The following TNIP2 variants were observed in gnomAD, a reference collection of about 807,000 sequenced individuals.
The protein encoded by TNIP2 is TNFAIP3-interacting protein 2.
In TNIP2, 30 loss-of-function variants were observed where a neutral mutation model predicts 43.7. The ratio of observed to expected loss-of-function variants is 0.69; its 90% CI spans 0.51 to 0.93. TNIP2 has a LOEUF of 0.93. TNIP2 is among the 40% of genes least tolerant of loss of function. The probability of loss-of-function intolerance (pLI) is 0.00; values close to 1 mark genes in which losing one functional copy is unlikely to be tolerated. For synonymous variants in TNIP2, 260 were observed against 254.6 expected, an observed-to-expected ratio of 1.02 and a Z score of -0.20; for missense variants, 599 against 591.0, an observed-to-expected ratio of 1.01 and a Z score of -0.14.
chr4:2,755,975 C>T (rs778484099), intron 1 of TNIP2, 39 bp downstream of exon 1: 105 of 1,509,884 alleles, frequency 7.0e-5, no homozygotes, highest in Middle Eastern at 4.8e-4. Context: ...GCCACACGCA[C>T]TCTCGCTCCC....
intron 2 of TNIP2, among the ~76,000 whole-genome samples, chr4:2,746,715 G>A (rs1193187140): frequency 6.6e-6 from 1 of 152,222 alleles, no homozygotes; most frequent in Non-Finnish European, 1.5e-5. Flanking sequence ...TGCCTAGAAA[G>A]GACCCGAGCG....
chr4:2,747,752 G>T lies in TNIP2; in HGVS notation c.470C>A (p.Thr157Lys). ...ACACATGTGGGCGGTGGCGGTCAGC[G>T]TCCTCCGCAGCTGATGGGTCTCGTT... ...LANETHQLRR[T>K]LTATAHMCQH... Residue 157 changes from threonine (T) to lysine (K), a missense_variant, in exon 2 of 6, where the codon ACG (threonine) becomes AAG (lysine). Transcript: ENST00000315423. 1 of 1,609,920 alleles carries T rather than the reference G, an allele frequency of 6.2e-7. No individual in the cohort carries two copies.
In TNIP2 at chr4:2,744,315, G is replaced by A. The variant is rs1044739199; in HGVS notation, c.1026+72C>T. The A allele has an allele frequency of 1.3e-6, 2 of 1,588,186 alleles. No individual in the cohort carries two copies. The highest frequency in any genetic ancestry group is 1.4e-5 in the African/African-American group (1 of 74,044). On this transcript the variant is annotated intron_variant, in intron 5 of 5. Transcript: ENST00000315423. The surrounding 1 kb of genome is among the most constrained non-coding windows in gnomAD (Gnocchi z 5.1). Reference sequence around the variant, plus strand: ...ATCAGGGCCTTGGCAGACACAGAAAGGCTCTAATCTCATGAGAAGAGAAAC... The same window carrying A: ...ATCAGGGCCTTGGCAGACACAGAAAAGCTCTAATCTCATGAGAAGAGAAAC...
rs758738129 is a variant in TNIP2, at chr4:2,742,264, C to A, written c.1283G>T (p.Cys428Phe). 6 of 1,481,312 alleles carry A rather than the reference C, an allele frequency of 4.1e-6. No homozygotes were observed. The highest frequency in any genetic ancestry group is 5.4e-6 in the Non-Finnish European group (6 of 1,111,488). The allele number at this position is 1,481,312 out of a possible 1,614,324, so 91.8% of individuals were successfully genotyped here. A position where few individuals can be genotyped will look rare whatever the true frequency, so the allele number is the denominator to read the frequency against. Reference protein sequence around the residue: ...EELLRHVAECCQ With the variant: ...EELLRHVAECFQ ...GGCACGGGTGAGTCTCGGTCACTGG[C>A]AGCACTCAGCCACATGCCTGAGGAG... The change falls in exon 6 of 6, where the codon TGC (cysteine) becomes TTC (phenylalanine). Residue 428 changes from cysteine to phenylalanine, a missense_variant. Transcript: ENST00000315423.
chr4:2,745,093 G>A, intron 3 of TNIP2, 148 bp from the exon 4 acceptor site: 2 of 1,053,600 alleles, frequency 1.9e-6, no homozygotes, highest in Non-Finnish European at 2.7e-6. Context: ...TCTGTAGAGA[G>A]CAGACACTAG....
Position 2,744,940 on chromosome 4 carries a change from T to C in TNIP2, c.663A>G (p.Glu221=). The C allele has an allele frequency of 6.2e-7, 1 of 1,603,128 alleles. No homozygotes were observed. Among genetic ancestry groups the C allele is most frequent in the Non-Finnish European group, 8.5e-7 (1 of 1,171,570 alleles). The change falls in exon 4 of 6, where the codon GAA becomes GAG. Residue 221 remains glutamate, a synonymous_variant. Coordinates refer to ENST00000315423, the MANE Select transcript of TNIP2 (RefSeq NM_024309.4). The surrounding 1 kb of genome is among the most constrained non-coding windows in gnomAD (Gnocchi z 5.1). The part of the protein sequence containing the change: ...RLLKQKVTHV[E]DLNAKWQRYN... The stretch of plus-strand genomic sequence containing the variant: ...AGCGCTGCCACTTGGCATTGAGGTC[T>C]TCAACCTGAAGAGGTGGAGCCGGAA...
Position 2,748,737 on chromosome 4 carries a change from G to A in TNIP2, c.277-792C>T, listed in dbSNP as rs556118357. Among the ~76,000 whole-genome samples, 12 of 136,164 alleles carry A rather than the reference G, an allele frequency of 8.8e-5. No homozygotes were observed. The South Asian group carries it at 2.2e-3, about 24-fold the overall frequency. The allele number at this position is 136,164 out of a possible 152,430, so 89.3% of individuals were successfully genotyped here. On this transcript the variant is annotated intron_variant, in intron 1 of 5. Coordinates refer to ENST00000315423, the MANE Select transcript of TNIP2 (RefSeq NM_024309.4). ...TCGAATTCCTGACCTTAGATGATCC[G>A]CCAGCCTTGGCCTCCCAAAGTACTG...
chr4:2,744,415 G>A lies in TNIP2; in HGVS notation c.998C>T (p.Ser333Phe), dbSNP rs1231903819. 1 of 1,614,114 alleles carries A rather than the reference G, an allele frequency of 6.2e-7. No individual in the cohort carries two copies. The highest frequency in any genetic ancestry group is 8.5e-7 in the Non-Finnish European group (1 of 1,180,048). Reference protein sequence around the residue: ...RIQELEEKVASLLHQVSWRQD... With the variant: ...RIQELEEKVAFLLHQVSWRQD... ...TCTCCAGGACACCTGGTGCAGCAAA[G>A]AGGCGACCTTTTCCTCCAGTTCTTG... The change falls in exon 5 of 6, where the codon TCT becomes TTT. Residue 333 changes from serine (S) to phenylalanine (F), a missense_variant. By Grantham distance (155) the Ser-to-Phe change is radical. Transcript: ENST00000315423. The surrounding 1 kb of genome is among the most constrained non-coding windows in gnomAD (Gnocchi z 5.1).
chr4:2,750,959 C>G (rs367838693), intron 1 of TNIP2, among the ~76,000 whole-genome samples: 2 of 152,202 alleles, frequency 1.3e-5, no homozygotes, highest in East Asian at 1.9e-4. Flanking sequence ...CAGCCCCACA[C>G]AGATGCCCAG....
rs180881919 is a variant in TNIP2 at position 2,754,695 on chromosome 4, A to G, written c.276+1319T>C. On this transcript the variant is annotated intron_variant, in intron 1 of 5. Transcript: ENST00000315423. ...CTCCCAAAGTGCTGGGATTACAGGC[A>G]TGAGCCACCGCGTCCGGACCCTTGT... Among the ~76,000 whole-genome samples the G allele has an allele frequency of 5.9e-3, 901 of 152,306 alleles. 7 individuals are homozygous for G. The highest frequency in any genetic ancestry group is 0.02 in the African/African-American group (849 of 41,564).
Position 2,756,014 on chromosome 4 carries a change from C to G in TNIP2, c.276G>C (p.Gln92His). Residue 92 changes from glutamine to histidine, a missense_variant and splice_region_variant, in exon 1 of 6, where the codon CAG becomes CAC. Coordinates refer to ENST00000315423, the MANE Select transcript of TNIP2 (RefSeq NM_024309.4). ...EGGAAEAQMR[Q>H]EIERLTERLE... ...GCTCCTCTGGTACCCGCCCTCGTAC[C>G]TGGCGCATCTGGGCCTCGGCGGCGC... The G allele has an allele frequency of 1.3e-6, 2 of 1,548,060 alleles. No homozygotes were observed. Among genetic ancestry groups the G allele is most frequent in the Non-Finnish European group, 1.7e-6 (2 of 1,158,670 alleles).
rs906316974 is a variant in TNIP2 at position 2,744,078 on chromosome 4, A to C, written c.1026+309T>G. On this transcript the variant is annotated intron_variant, in intron 5 of 5. Transcript: ENST00000315423. This position sits in a 1 kb window ranked among gnomAD's most constrained non-coding sequence, Gnocchi z 5.1. The stretch of plus-strand genomic sequence containing the variant: ...ACAGGTCAGGACACGTAGGGAGCTC[A>C]CACTTTGAGGCCCGAGATATGCTCT... Among the ~76,000 whole-genome samples, 1 of 152,190 alleles carries C rather than the reference A, an allele frequency of 6.6e-6. No homozygotes were observed. Among genetic ancestry groups the C allele is most frequent in the Non-Finnish European group, 1.5e-5 (1 of 68,014 alleles).
chr4:2,752,942 A>G (rs920382825), intron 1 of TNIP2, among the ~76,000 whole-genome samples: 1 of 151,894 alleles, frequency 6.6e-6, no homozygotes, highest in African/African-American at 2.4e-5. Context: ...CTCTTCGCCT[A>G]TAGTCCTAGA....
intron 1 of TNIP2, among the ~76,000 whole-genome samples, chr4:2,750,979 A>G (rs1033814480): frequency 2.0e-5 from 3 of 152,182 alleles, no homozygotes; most frequent in Non-Finnish European, 4.4e-5. Context: ...GTAAATGGGA[A>G]TAAGACTGGG....
At position 2,742,280 on chromosome 4, in the gene TNIP2, G is replaced by A. The variant is rs1349801434; in HGVS notation, c.1267C>T (p.His423Tyr). 7 of 1,502,312 alleles carry A rather than the reference G, an allele frequency of 4.7e-6. No homozygotes were observed. The highest frequency in any genetic ancestry group is 2.1e-5 in the Admixed American group (1 of 46,704). 93.1% of individuals were successfully genotyped at this position (1,502,312 alleles called of 1,614,324 possible). A position where few individuals can be genotyped will look rare whatever the true frequency, so the allele number is the denominator to read the frequency against. Residue 423 changes from histidine (H) to tyrosine (Y), a missense_variant, in exon 6 of 6, where the codon CAT (histidine) becomes TAT (tyrosine). Transcript: ENST00000315423. ...GGTCACTGGCAGCACTCAGCCACAT[G>A]CCTGAGGAGCTCTTCCCCTTGCTCG... Reference protein sequence around the residue: ...SDEQGEELLRHVAECCQ With the variant: ...SDEQGEELLRYVAECCQ
rs1442164607 is a variant in TNIP2, at chr4:2,744,575, C to G, written c.907-69G>C. The G allele has an allele frequency of 3.1e-6, 5 of 1,605,548 alleles. No individual in the cohort carries two copies. The highest frequency in any genetic ancestry group is 4.3e-6 in the Non-Finnish European group (5 of 1,176,324). On this transcript the variant is annotated intron_variant, in intron 4 of 5. Coordinates refer to ENST00000315423, the MANE Select transcript of TNIP2 (RefSeq NM_024309.4). This position sits in a 1 kb window ranked among gnomAD's most constrained non-coding sequence, Gnocchi z 5.1. ...AGCGCCCCACCAGGCTTCTCCCACC[C>G]CCACAGTGACCACTGCCCACTCAGT...
In TNIP2 at chr4:2,744,516, G is replaced by A. The variant is rs1264879163; in HGVS notation, c.907-10C>T. 2.5e-6 allele frequency: 4 copies of A among 1,614,016 alleles called. No individual in the cohort carries two copies. Among genetic ancestry groups the A allele is most frequent in the African/African-American group, 2.7e-5 (2 of 74,922 alleles). On this transcript the variant is annotated splice_polypyrimidine_tract_variant and intron_variant, in intron 4 of 5. Coordinates refer to ENST00000315423, the MANE Select transcript of TNIP2 (RefSeq NM_024309.4). This position sits in a 1 kb window ranked among gnomAD's most constrained non-coding sequence, Gnocchi z 5.1. ...CCTTGTAAGCGAGAATCTGAAGAGA[G>A]GCGAGACACACATTTCTGCTCAAGG...
intron 3 of TNIP2, 31 bp downstream of exon 3, chr4:2,745,415 T>G: frequency 6.5e-7 from 1 of 1,531,042 alleles, no homozygotes; most frequent in Non-Finnish European, 9.0e-7. Context: ...AGCCATGTGT[T>G]CTTCTCAAAC....
rs1296282598 is a variant in TNIP2 at position 2,747,817 on chromosome 4, G to A, written c.405C>T (p.Arg135=). 39 of 1,613,088 alleles carry A rather than the reference G, an allele frequency of 2.4e-5. No homozygotes were observed. The highest frequency in any genetic ancestry group is 3.1e-5 in the Non-Finnish European group (37 of 1,180,048). The part of the protein sequence containing the change: ...LLRRSMAEGE[R]ARAASDVLCR... The stretch of plus-strand genomic sequence containing the variant: ...ACAGGACGTCACTGGCGGCCCGGGC[G>A]CGCTCCCCTTCTGCCATGCTCCTCC... The change falls in exon 2 of 6, where the codon CGC becomes CGT. Residue 135 remains arginine (R), a synonymous_variant. Coordinates refer to ENST00000315423, the MANE Select transcript of TNIP2 (RefSeq NM_024309.4).
Sources: allele counts gnomAD v4.1 joint callset (sites outside exome capture counted in the v4.1 genomes callset), GRCh38; gene constraint gnomAD v4.1.1; non-coding constraint Gnocchi (gnomAD v3.1); transcripts MANE v1.5; gene names NCBI Gene and HGNC (gene_info 2026-07-23, HGNC 2026-07-21).